Variants in CPAMD8 observed in about 807,000 individuals in gnomAD.
The protein encoded by CPAMD8 is C3 and PZP like alpha-2-macroglobulin domain containing 8, also known as C3 and PZP-like alpha-2-macroglobulin domain-containing protein 8.
Under a neutral mutation model 224.7 loss-of-function variants are expected in CPAMD8, and 146 were observed. The ratio of observed to expected loss-of-function variants is 0.65; its 90% confidence interval spans 0.57 to 0.75. The LOEUF is 0.75. Ranked by LOEUF, CPAMD8 falls within the 30% of genes least tolerant of loss-of-function variation. CPAMD8 has a pLI of 0.00. For synonymous variants in CPAMD8, 966 were observed against 1,044.6 expected (o/e 0.92, Z 1.45); for missense variants, 2,301 against 2,537.5 (o/e 0.91, Z 2.00).
At chr19:16,980,957 T>C (rs1264970353) in intron 13 of CPAMD8, among the ~76,000 whole-genome samples, 1 of 151,282 alleles carries the variant, frequency 6.6e-6, no homozygotes, top group East Asian at 1.9e-4. Flanking sequence ...TGCCTCAGCC[T>C]CCTGGGTAGC....
At chr19:16,965,352 A>T (rs1439932440) in intron 18 of CPAMD8, among the ~76,000 whole-genome samples, 1 of 152,186 alleles carries the variant, frequency 6.6e-6, no homozygotes, top group Non-Finnish European at 1.5e-5. Context: ...CAAAATAATA[A>T]GGGCTATTTA....
At chr19:16,999,232 C>T (rs1160385047) in intron 10 of CPAMD8, among the ~76,000 whole-genome samples, 1 of 152,058 alleles carries the variant, frequency 6.6e-6, no homozygotes, top group Admixed American at 6.6e-5. Context: ...GATGGTGGAA[C>T]AATTCTAAAA....
intron 18 of CPAMD8, among the ~76,000 whole-genome samples, chr19:16,969,670 A>G (rs1008192356): frequency 1.3e-5 from 2 of 152,050 alleles, no homozygotes; most frequent in Non-Finnish European, 2.9e-5. Flanking sequence ...ACTTGAGGCC[A>G]GGAGTTTGAG....
intron 11 of CPAMD8, 39 bp from the exon 12 acceptor site, chr19:16,993,625 G>A (rs768207955): frequency 3.8e-6 from 6 of 1,591,422 alleles, no homozygotes; most frequent in Non-Finnish European, 5.2e-6. Context: ...AGTTAAGACG[G>A]CCATGCTCCC....
chr19:16,974,968 C>G (rs1430314891), intron 17 of CPAMD8, 129 bp downstream of exon 17: 46 of 1,246,024 alleles, frequency 3.7e-5, no homozygotes, highest in Non-Finnish European at 1.2e-5. Flanking sequence ...GAGCGAGACC[C>G]CATCTCGAAA....
At chr19:17,005,975 A>AT (rs894563458) in intron 7 of CPAMD8, among the ~76,000 whole-genome samples, 8 of 141,886 alleles carry the variant, frequency 5.6e-5, no homozygotes, top group Admixed American at 2.1e-4. Context: ...TTTTTTTTTT[A>AT]TTTTTTTGAG....
At chr19:16,931,947 T>A (rs541409380) in intron 23 of CPAMD8, among the ~76,000 whole-genome samples, 19 of 152,286 alleles carry the variant, frequency 1.2e-4, no homozygotes, top group African/African-American at 4.3e-4. Context: ...TCTTCCTCTA[T>A]GAAAGCAAAT....
intron 5 of CPAMD8, 108 bp from the exon 6 acceptor site, chr19:17,009,428 G>A: frequency 6.4e-7 from 1 of 1,574,196 alleles, no homozygotes; most frequent in Non-Finnish European, 8.7e-7. Flanking sequence ...CGCTGTTATG[G>A]GTTAAACAGT....
chr19:16,989,820 AG>A (rs1568570045), intron 12 of CPAMD8, 49 bp from the exon 13 acceptor site: 2 of 1,589,500 alleles, frequency 1.3e-6, no homozygotes, highest in Non-Finnish European at 1.7e-6. Flanking sequence ...AAGAGCAGAA[AG>A]GGGGTCTTGG....
intron 36 of CPAMD8, among the ~76,000 whole-genome samples, chr19:16,900,249 C>CACCCAG (rs1011824066): frequency 1.1e-4 from 16 of 152,228 alleles, no homozygotes; most frequent in African/African-American, 3.4e-4. Context: ...CATGGCTCCC[C>CACCCAG]ACCCAGGGCC....
At chr19:16,977,842 G>A (rs903829261) in intron 14 of CPAMD8, among the ~76,000 whole-genome samples, 107 of 152,098 alleles carry the variant, frequency 7.0e-4, no homozygotes, top group African/African-American at 2.3e-3. Context: ...TGCTTCCTCC[G>A]CGGACACCAA....
chr19:16,983,105 T>C (rs1042823487), intron 13 of CPAMD8, among the ~76,000 whole-genome samples: 20 of 152,158 alleles, frequency 1.3e-4, no homozygotes, highest in Non-Finnish European at 1.2e-4. Flanking sequence ...TGTGAATCCA[T>C]TAAACCTCTT....
chr19:16,913,637 C>T (rs947740253), intron 29 of CPAMD8, among the ~76,000 whole-genome samples: 2 of 152,044 alleles, frequency 1.3e-5, no homozygotes, highest in African/African-American at 4.8e-5. Context: ...TAAGACAGGG[C>T]ATTAGGAATT....
intron 3 of CPAMD8, among the ~76,000 whole-genome samples, chr19:17,016,020 T>C (rs947351959): frequency 6.6e-6 from 1 of 152,218 alleles, no homozygotes; most frequent in Admixed American, 6.5e-5. Context: ...CACGTCTCAC[T>C]GCAACCTCGA....
At chr19:16,917,636 G>A (rs546016891) in intron 27 of CPAMD8, among the ~76,000 whole-genome samples, 8 of 152,302 alleles carry the variant, frequency 5.3e-5, no homozygotes, top group African/African-American at 1.2e-4. Context: ...AGCTGCTTGC[G>A]GGGCTGAGGC....
chr19:17,016,202 G>C (rs993133132), intron 3 of CPAMD8, among the ~76,000 whole-genome samples: 3 of 152,130 alleles, frequency 2.0e-5, no homozygotes, highest in Admixed American at 6.6e-5. Flanking sequence ...CGATCCTCCA[G>C]TTTCAGCCTC....
intron 27 of CPAMD8, among the ~76,000 whole-genome samples, chr19:16,917,806 T>C (rs2053018274): frequency 6.6e-6 from 1 of 152,202 alleles, no homozygotes; most frequent in African/African-American, 2.4e-5. Context: ...TCTGAAATGC[T>C]TGGAACCAGA....
At chr19:17,001,139 T>C (rs2056300905) in intron 9 of CPAMD8, among the ~76,000 whole-genome samples, 2 of 151,608 alleles carry the variant, frequency 1.3e-5, no homozygotes, top group South Asian at 4.2e-4. Context: ...CTGGCCAACA[T>C]GGTGAAACTC....
chr19:17,007,898 T>C (rs1420281233), intron 7 of CPAMD8, among the ~76,000 whole-genome samples: 1 of 152,246 alleles, frequency 6.6e-6, no homozygotes, highest in African/African-American at 2.4e-5. Context: ...CCGGGCGTGG[T>C]GGCTCACGCC....
Sources: allele counts gnomAD v4.1 joint callset (sites outside exome capture counted in the v4.1 genomes callset), GRCh38; gene constraint gnomAD v4.1.1; transcripts MANE v1.5; gene names NCBI Gene and HGNC (gene_info 2026-07-23, HGNC 2026-07-21).